Variants in DIAPH2 observed in about 807,000 individuals in gnomAD.
DIAPH2 encodes the protein protein diaphanous homolog 2.
DIAPH2 carries 35 observed loss-of-function variants against 92.7 expected under a neutral mutation model. The observed-to-expected ratio is 0.38, with a 90% CI of 0.29 to 0.50. The LOEUF (loss-of-function observed/expected upper bound fraction) is 0.50. DIAPH2 is among the 20% of genes least tolerant of loss of function. DIAPH2 has a pLI of 0.94. For synonymous variants in DIAPH2, 301 were observed against 280.4 expected (o/e 1.07, Z -0.73); for missense variants, 701 against 819.5 (o/e 0.86, Z 1.77).
intron 26 of DIAPH2, among the ~76,000 whole-genome samples, chrX:97,458,305 CT>C (rs199660141): frequency 0.083 from 7,613 of 91,948 alleles, 305 homozygotes; most frequent in Middle Eastern, 0.12. Context: ...TTCTTTCGTT[CT>C]TTTTTTTTTT....
At chrX:96,973,754 G>A (rs1304494627) in intron 17 of DIAPH2, among the ~76,000 whole-genome samples, 5 of 94,516 alleles carry the variant, frequency 5.3e-5, no homozygotes, top group Middle Eastern at 5.6e-3. Flanking sequence ...GGAGTGCAAT[G>A]GCGTGATCTC....
At chrX:96,748,868 C>CA (rs769443229) in intron 3 of DIAPH2, among the ~76,000 whole-genome samples, 154 of 109,989 alleles carry the variant, frequency 1.4e-3, no homozygotes, top group African/African-American at 4.6e-3. Flanking sequence ...AATTGTTACC[C>CA]AAAAAAAGAC....
chrX:97,380,145 A>T (rs1426523370), intron 24 of DIAPH2, among the ~76,000 whole-genome samples: 1 of 111,051 alleles, frequency 9.0e-6, no homozygotes, highest in Non-Finnish European at 1.9e-5. Context: ...TAAATCCTAG[A>T]TACATTTTTC....
At chrX:96,965,257 T>A in intron 17 of DIAPH2, 50 bp downstream of exon 17, 1 of 979,164 alleles carries the variant, frequency 1.0e-6, no homozygotes, top group African/African-American at 2.0e-5. Flanking sequence ...TACAATTTAA[T>A]TTAGTGCTTT....
At chrX:96,910,594 T>C (rs1258039248) in intron 5 of DIAPH2, among the ~76,000 whole-genome samples, 1 of 111,201 alleles carries the variant, frequency 9.0e-6, no homozygotes, top group Non-Finnish European at 1.9e-5. Context: ...TATATATTGA[T>C]TTATGTTTAT....
intron 24 of DIAPH2, among the ~76,000 whole-genome samples, chrX:97,378,652 A>C (rs986544245): frequency 8.9e-6 from 1 of 112,323 alleles, no homozygotes; most frequent in Non-Finnish European, 1.9e-5. Flanking sequence ...TTGAGGTTGC[A>C]GTAAGCTGAA....
intron 20 of DIAPH2, among the ~76,000 whole-genome samples, chrX:97,103,712 C>T (rs1232244934): frequency 8.9e-6 from 1 of 111,797 alleles, no homozygotes; most frequent in Non-Finnish European, 1.9e-5. Context: ...ATCTGTATTG[C>T]ATCATAATTT....
chrX:97,523,651 G>A (rs2071005643), intron 26 of DIAPH2, among the ~76,000 whole-genome samples: 1 of 111,817 alleles, frequency 8.9e-6, no homozygotes, highest in Non-Finnish European at 1.9e-5. Context: ...GAAAAGAGCT[G>A]GGGGAGAAAT....
intron 26 of DIAPH2, among the ~76,000 whole-genome samples, chrX:97,554,984 G>A (rs934357533): frequency 1.8e-5 from 2 of 110,757 alleles, no homozygotes; most frequent in African/African-American, 6.6e-5. Context: ...CAACAAGGCA[G>A]CTGTAGGTCT....
chrX:97,274,758 T>C (rs2068424208), intron 23 of DIAPH2, among the ~76,000 whole-genome samples: 1 of 109,447 alleles, frequency 9.1e-6, no homozygotes, highest in Admixed American at 9.8e-5. Context: ...TGAACAAAAG[T>C]CTCTGGTTTT....
intron 8 of DIAPH2, among the ~76,000 whole-genome samples, chrX:96,917,614 A>G (rs1445975106): frequency 9.0e-6 from 1 of 111,477 alleles, no homozygotes; most frequent in African/African-American, 3.2e-5. Context: ...TGATTTAATT[A>G]TAATTTCAGA....
At chrX:96,796,641 G>T (rs1192093110) in intron 4 of DIAPH2, among the ~76,000 whole-genome samples, 1 of 110,438 alleles carries the variant, frequency 9.1e-6, no homozygotes, top group Non-Finnish European at 1.9e-5. Flanking sequence ...TTTATATTAT[G>T]CATCTTAACT....
At chrX:96,967,740 C>T (rs749915918) in intron 17 of DIAPH2, among the ~76,000 whole-genome samples, 4 of 110,594 alleles carry the variant, frequency 3.6e-5, no homozygotes, top group South Asian at 7.7e-4. Context: ...TTTTTAATTA[C>T]GGCTGCATAG....
At chrX:96,993,593 G>A in intron 17 of DIAPH2, among the ~76,000 whole-genome samples, 1 of 111,454 alleles carries the variant, frequency 9.0e-6, no homozygotes, top group Non-Finnish European at 1.9e-5. Flanking sequence ...AGAATAGCAA[G>A]GGAGAAATCT....
chrX:97,334,479 C>CAAAAAAA (rs754326286), intron 23 of DIAPH2, among the ~76,000 whole-genome samples: 128 of 95,669 alleles, frequency 1.3e-3, no homozygotes, highest in Middle Eastern at 5.2e-3. Context: ...AAAAAAAAAA[C>CAAAAAAA]AAAAAACAAT....
Position 96,829,441 on chromosome X carries a change from G to GTA in DIAPH2, c.448-52119_448-52118dup, listed in dbSNP as rs748376906. Among the ~76,000 whole-genome samples the GTA allele has an allele frequency of 7.8e-3, 439 of 56,119 alleles. 1 individual carries two copies. Among genetic ancestry groups the GTA allele is most frequent in the South Asian group, 0.022 (34 of 1,513 alleles). The allele number at this position is 56,119 out of a possible 115,157, so 48.7% of individuals were successfully genotyped here. On this transcript the variant is annotated intron_variant, in intron 4 of 26. Coordinates refer to ENST00000324765, the MANE Select transcript of DIAPH2 (RefSeq NM_006729.5). ...ATCAATAGCATTTACATATATATAT[G>GTA]TATATATATATATATATATAAAACA...
At chrX:97,421,694 C>A (rs1014146117) in intron 25 of DIAPH2, among the ~76,000 whole-genome samples, 7 of 111,924 alleles carry the variant, frequency 6.3e-5, no homozygotes, top group Non-Finnish European at 1.9e-5. Context: ...TAATTGATTT[C>A]TCTCCCAATC....
intron 5 of DIAPH2, among the ~76,000 whole-genome samples, chrX:96,885,662 TTA>T (rs1402144426): frequency 4.5e-5 from 5 of 110,702 alleles, no homozygotes; most frequent in African/African-American, 1.3e-4. Context: ...TACTATGAAT[TTA>T]TGTTTTCTTA....
intron 5 of DIAPH2, among the ~76,000 whole-genome samples, chrX:96,888,890 C>T (rs867779020): frequency 2.9e-5 from 3 of 102,161 alleles, no homozygotes; most frequent in Admixed American, 1.1e-4. Context: ...TTGTATCTCT[C>T]GAGAGCCTAG....
Sources: gnomAD v4.1 joint callset for allele counts (sites outside exome capture counted in the v4.1 genomes callset) on GRCh38, gnomAD v4.1.1 for gene constraint, MANE v1.5 for transcripts, NCBI Gene and HGNC (gene_info 2026-07-23, HGNC 2026-07-21) for gene names.